AK8: variants seen among roughly 807,000 people sequenced by gnomAD.
The protein encoded by AK8 is ATP-AMP transphosphorylase 8.
In AK8, 44 loss-of-function variants were observed where a neutral mutation model predicts 54.6. The observed-to-expected ratio is 0.81, with a 90% CI of 0.63 to 1.04. The LOEUF (loss-of-function observed/expected upper bound fraction) is 1.04, where lower values mean the gene tolerates loss of function less well. Among genes scored for constraint, AK8 ranks in the 50% least tolerant of loss-of-function variants. The pLI, the probability that AK8 is intolerant of heterozygous loss-of-function variation, is 0.00. For missense variants in AK8, 555 were observed against 613.6 expected (o/e 0.90, Z 1.01); for synonymous variants, 239 against 245.6 (o/e 0.97, Z 0.25).
chr9:132,783,344 C>T (rs1421271520), intron 11 of AK8, among the ~76,000 whole-genome samples: 1 of 152,156 alleles, frequency 6.6e-6, no homozygotes, highest in East Asian at 1.9e-4. Context: ...GCAGCCCTGG[C>T]AGTGCCATGA....
At chr9:132,820,143 C>G (rs1329376840) in intron 9 of AK8, among the ~76,000 whole-genome samples, 1 of 61,510 alleles carries the variant, frequency 1.6e-5, no homozygotes, top group African/African-American at 1.0e-4. Context: ...GAGTAAGACC[C>G]GAAAAAAAAA....
intron 11 of AK8, among the ~76,000 whole-genome samples, chr9:132,787,109 A>G (rs1839743434): frequency 6.6e-6 from 1 of 152,082 alleles, no homozygotes; most frequent in South Asian, 2.1e-4. Context: ...CATACACACA[A>G]AATACAAGGG....
chr9:132,789,395 C>T (rs545323882), intron 11 of AK8, among the ~76,000 whole-genome samples: 12 of 151,542 alleles, frequency 7.9e-5, no homozygotes, highest in South Asian at 4.2e-4. Flanking sequence ...GTCAGGAGTT[C>T]GAGACCAGCC....
intron 11 of AK8, among the ~76,000 whole-genome samples, chr9:132,787,877 A>G (rs1839783236): frequency 6.6e-6 from 1 of 152,172 alleles, no homozygotes; most frequent in South Asian, 2.1e-4. Context: ...GGGGTATATA[A>G]AAGGAAGATG....
intron 11 of AK8, among the ~76,000 whole-genome samples, chr9:132,743,514 G>A (rs7849499): frequency 0.012 from 1,762 of 152,268 alleles, 36 homozygotes; most frequent in African/African-American, 0.04. Context: ...GCTACCCACC[G>A]CCAGATTCCC....
At chr9:132,740,945 T>C (rs1295568568) in intron 11 of AK8, among the ~76,000 whole-genome samples, 1 of 152,172 alleles carries the variant, frequency 6.6e-6, no homozygotes, top group East Asian at 1.9e-4. Flanking sequence ...TGTCCTACTC[T>C]CAGAAGATGG....
chr9:132,851,381 T>C (rs1005229697), intron 5 of AK8, among the ~76,000 whole-genome samples: 3 of 152,216 alleles, frequency 2.0e-5, no homozygotes, highest in East Asian at 3.8e-4. Context: ...ACCCTGGTCA[T>C]GGGTGCAGTC....
intron 2 of AK8, among the ~76,000 whole-genome samples, chr9:132,870,581 C>T (rs1843774132): frequency 1.3e-5 from 2 of 152,232 alleles, no homozygotes; most frequent in African/African-American, 4.8e-5. Flanking sequence ...ACTGTAAATG[C>T]TCACTTTGTA....
intron 5 of AK8, among the ~76,000 whole-genome samples, chr9:132,835,426 G>A (rs893971156): frequency 2.6e-5 from 4 of 152,146 alleles, no homozygotes; most frequent in Non-Finnish European, 5.9e-5. Context: ...TAACAGACAC[G>A]GATAACCCAG....
At chr9:132,856,171 T>C (rs1027219333) in intron 4 of AK8, among the ~76,000 whole-genome samples, 2 of 152,184 alleles carry the variant, frequency 1.3e-5, no homozygotes, top group Non-Finnish European at 2.9e-5. Flanking sequence ...CCCACCCACA[T>C]TTCTGAAAAA....
chr9:132,842,545 G>C (rs1404306964), intron 5 of AK8, among the ~76,000 whole-genome samples: 1 of 152,224 alleles, frequency 6.6e-6, no homozygotes, highest in African/African-American at 2.4e-5. Context: ...TTGAAGCTGA[G>C]GCTGAGGAAT....
intron 11 of AK8, among the ~76,000 whole-genome samples, chr9:132,752,838 TC>T (rs1838006913): frequency 6.6e-6 from 1 of 151,266 alleles, no homozygotes; most frequent in Non-Finnish European, 1.5e-5. Context: ...CACCAGCGCA[TC>T]CAAACCAGTC....
chr9:132,806,161 A>G (rs1431064827), intron 10 of AK8, among the ~76,000 whole-genome samples: 2 of 151,876 alleles, frequency 1.3e-5, no homozygotes, highest in East Asian at 3.9e-4. Flanking sequence ...AGTTTTTTCA[A>G]TAATAAAAAG....
In AK8 at chr9:132,792,836, C is replaced by T. The variant is rs1840004907; in HGVS notation, c.980-61G>A. Reference sequence around the variant, plus strand: ...CCGGCAGCCCATGGGTCCTGGGCTTCCTAACTTTACTTGGCCATAGATTGA... The same window carrying T: ...CCGGCAGCCCATGGGTCCTGGGCTTTCTAACTTTACTTGGCCATAGATTGA... On this transcript the variant is annotated intron_variant, in intron 10 of 12. Coordinates refer to ENST00000298545, the MANE Select transcript of AK8 (RefSeq NM_152572.3). The T allele has an allele frequency of 2.7e-6, 4 of 1,497,160 alleles. No homozygotes were observed. In the Admixed American group the frequency reaches 8.7e-5, roughly 33 times the overall value. 92.7% of individuals were successfully genotyped at this position (1,497,160 alleles called of 1,614,324 possible).
At chr9:132,760,273 C>A (rs544915129) in intron 11 of AK8, among the ~76,000 whole-genome samples, 1 of 151,830 alleles carries the variant, frequency 6.6e-6, no homozygotes, top group African/African-American at 2.4e-5. Flanking sequence ...AGCCCTGACT[C>A]CTGGGTTTAA....
rs368988205 is a variant in AK8, at chr9:132,775,109, CT to C, written c.1121+17524del. Among the ~76,000 whole-genome samples the C allele has an allele frequency of 4.7e-5, 7 of 149,496 alleles. No homozygotes were observed. In the East Asian group the frequency reaches 7.7e-4, roughly 17 times the overall value. ...GGACATGTTTACCCAGAATGCTGTG[CT>C]GAGAGCAGGGGATGGCAAAGGGACC... On this transcript the variant is annotated intron_variant, in intron 11 of 12. Coordinates refer to ENST00000298545, the MANE Select transcript of AK8 (RefSeq NM_152572.3).
rs922903083 is a variant in AK8 at position 132,790,691 on chromosome 9, A to G, written c.1121+1943T>C. 1.1e-4 allele frequency among the ~76,000 whole-genome samples: 17 copies of G among 152,182 alleles called. No homozygotes were observed. Among genetic ancestry groups the G allele is most frequent in the African/African-American group, 4.1e-4 (17 of 41,436 alleles). On this transcript the variant is annotated intron_variant, in intron 11 of 12. Coordinates refer to ENST00000298545, the MANE Select transcript of AK8 (RefSeq NM_152572.3). The surrounding 1 kb of genome is among the most constrained non-coding windows in gnomAD (Gnocchi z 4.1). ...ACACCCTGTTCTGAAAGTACCGCCCAACAAGAGTAAAATGAAAAGTATAAA... is the reference window on the plus strand; with the variant it reads ...ACACCCTGTTCTGAAAGTACCGCCCGACAAGAGTAAAATGAAAAGTATAAA...
intron 1 of AK8, among the ~76,000 whole-genome samples, chr9:132,875,640 T>C (rs564754102): frequency 2.0e-5 from 3 of 152,322 alleles, no homozygotes; most frequent in Admixed American, 2.0e-4. Context: ...CATACCTTCC[T>C]GAGTATGTGC....
At chr9:132,825,230 G>A (rs1459031041) in intron 8 of AK8, among the ~76,000 whole-genome samples, 1 of 152,128 alleles carries the variant, frequency 6.6e-6, no homozygotes, top group Non-Finnish European at 1.5e-5. Flanking sequence ...AAAAATGTGT[G>A]GTTGCTGGAT....
Sources: gnomAD v4.1 joint callset for allele counts (sites outside exome capture counted in the v4.1 genomes callset) on GRCh38, gnomAD v4.1.1 for gene constraint, Gnocchi (gnomAD v3.1) non-coding constraint, MANE v1.5 for transcripts, NCBI Gene and HGNC (gene_info 2026-07-23, HGNC 2026-07-21) for gene names.